Variants in EFCAB8 observed in about 807,000 individuals in gnomAD.
EFCAB8 encodes EF-hand calcium binding domain 8.
EFCAB8 carries 100 observed loss-of-function variants against 116.3 expected under a neutral mutation model. The ratio of observed to expected loss-of-function variants is 0.86; its 90% confidence interval spans 0.73 to 1.02. EFCAB8 has a LOEUF of 1.02. Among genes scored for constraint, EFCAB8 ranks in the 50% least tolerant of loss-of-function variants. EFCAB8 has a pLI of 0.00. For synonymous variants in EFCAB8, 558 were observed against 567.9 expected (o/e 0.98, Z 0.25); for missense variants, 1,320 against 1,416.9 (o/e 0.93, Z 1.10).
chr20:32,916,274 A>G (rs1987180444), intron 17 of EFCAB8, among the ~76,000 whole-genome samples: 1 of 151,746 alleles, frequency 6.6e-6, no homozygotes, highest in Middle Eastern at 3.2e-3. Flanking sequence ...TAGTTTTTTT[A>G]AGAGACAGGA....
rs186321403 is a variant in EFCAB8, at chr20:32,862,723, G to C, written c.-10-1060G>C. Among the ~76,000 whole-genome samples the C allele has an allele frequency of 2.6e-3, 389 of 152,202 alleles. 1 individual carries two copies. Among genetic ancestry groups the C allele is most frequent in the African/African-American group, 9.1e-3 (377 of 41,534 alleles). ...GCTCATGGCAACCTCTGCCTCCCAGGTTCAAGCAATCCTCCTGCCTCAGCC... is the reference window on the plus strand; with the variant it reads ...GCTCATGGCAACCTCTGCCTCCCAGCTTCAAGCAATCCTCCTGCCTCAGCC... On this transcript the variant is annotated intron_variant, in intron 1 of 26. Coordinates refer to ENST00000400522, the MANE Select transcript of EFCAB8 (RefSeq NM_001143967.2).
intron 8 of EFCAB8, 68 bp from the exon 9 acceptor site, chr20:32,893,106 G>A: frequency 1.9e-6 from 3 of 1,539,296 alleles, no homozygotes; most frequent in Non-Finnish European, 2.6e-6. Flanking sequence ...CTCCCAGAGT[G>A]CTGGTCTTAC....
At chr20:32,946,860 C>A (rs898378489) in intron 23 of EFCAB8, among the ~76,000 whole-genome samples, 3 of 152,188 alleles carry the variant, frequency 2.0e-5, no homozygotes, top group Non-Finnish European at 2.9e-5. Context: ...TTGCCTTTTC[C>A]AGATTATCAT....
At chr20:32,872,169 G>T (rs553664860) in intron 3 of EFCAB8, among the ~76,000 whole-genome samples, 1 of 152,296 alleles carries the variant, frequency 6.6e-6, no homozygotes, top group South Asian at 2.1e-4. Context: ...TGTATAAGGA[G>T]AATAGAATGG....
In EFCAB8 at chr20:32,911,501, G is replaced by A. The variant is rs116131708; in HGVS notation, c.1579G>A (p.Gly527Ser). ...ACAGGTGGTGAGTGGCTGCCTGCGC[G>A]GCACAGTGAGTGTGTGGGAGGTCGT... ...FKQVVSGCLRGTVSVWEVVTG... is the reference protein window; with the variant it reads ...FKQVVSGCLRSTVSVWEVVTG... Residue 527 changes from glycine (G) to serine (S), a missense_variant, in exon 16 of 27, where the codon GGC becomes AGC. Coordinates refer to ENST00000400522, the MANE Select transcript of EFCAB8 (RefSeq NM_001143967.2). 2,828 of 1,495,516 alleles carry A rather than the reference G, an allele frequency of 1.9e-3. 31 individuals carry two copies. The African/African-American group carries it at 0.03, about 16-fold the overall frequency. The allele number at this position is 1,495,516 out of a possible 1,614,324, so 92.6% of individuals were successfully genotyped here.
At chr20:32,874,576 C>A (rs906235080) in intron 3 of EFCAB8, among the ~76,000 whole-genome samples, 1 of 151,748 alleles carries the variant, frequency 6.6e-6, no homozygotes, top group African/African-American at 2.4e-5. Context: ...CAGTCTCACT[C>A]GGTCGCTCAG....
At chr20:32,928,714 C>G (rs547621116) in intron 20 of EFCAB8, among the ~76,000 whole-genome samples, 1 of 151,930 alleles carries the variant, frequency 6.6e-6, no homozygotes, top group African/African-American at 2.4e-5. Flanking sequence ...CTTTTTTTGC[C>G]TAATCCCTCT....
rs1359366828 is a variant in EFCAB8 at position 32,959,919 on chromosome 20, C to T, written c.3231C>T (p.Ala1077=). 24 of 1,551,490 alleles carry T rather than the reference C, an allele frequency of 1.5e-5. No individual in the cohort carries two copies. In the Admixed American group the frequency reaches 2.0e-4, roughly 13 times the overall value. ...LQKMALMSPW[A]GERPLEDIED... is the part of the protein sequence containing the mutation. ...AGATGGCCCTGATGTCCCCGTGGGC[C>T]GGAGAGCGCCCCCTGGAAGACATTG... Residue 1077 remains alanine, a synonymous_variant, in exon 25 of 27, where the codon GCC becomes GCT. Transcript: ENST00000400522.
At chr20:32,902,524 A>G (rs1258858972) in intron 11 of EFCAB8, among the ~76,000 whole-genome samples, 1 of 152,188 alleles carries the variant, frequency 6.6e-6, no homozygotes, top group Non-Finnish European at 1.5e-5. Flanking sequence ...AGGCAGGAGG[A>G]TCCCTTGAGG....
At chr20:32,918,175 A>G (rs1363335172) in intron 18 of EFCAB8, among the ~76,000 whole-genome samples, 187 bp from the exon 19 acceptor site, 5 of 152,256 alleles carry the variant, frequency 3.3e-5, no homozygotes, top group Non-Finnish European at 7.3e-5. Flanking sequence ...GTGGGTACTC[A>G]GGGCATTGCA....
chr20:32,924,910 AG>A (rs749565289), intron 20 of EFCAB8, among the ~76,000 whole-genome samples: 1 of 152,148 alleles, frequency 6.6e-6, no homozygotes, highest in African/African-American at 2.4e-5. Flanking sequence ...CTTGAGGAGC[AG>A]GGTCCCTTCT....
intron 12 of EFCAB8, 102 bp from the exon 13 acceptor site, chr20:32,906,741 C>A (rs1986692088): frequency 1.4e-6 from 1 of 734,816 alleles, no homozygotes; most frequent in South Asian, 1.5e-5. Context: ...GTCTGGCTTC[C>A]TCTCCTGCTG....
chr20:32,897,949 G>A (rs911842681), intron 10 of EFCAB8, among the ~76,000 whole-genome samples: 1 of 152,186 alleles, frequency 6.6e-6, no homozygotes, highest in African/African-American at 2.4e-5. Context: ...GCCAAGCACT[G>A]GTCCAGGTCA....
intron 3 of EFCAB8, among the ~76,000 whole-genome samples, chr20:32,869,092 C>T (rs147763627): frequency 1.1e-3 from 173 of 152,250 alleles, no homozygotes; most frequent in Non-Finnish European, 2.1e-3. Context: ...AGTTCCTTGC[C>T]CCTGTGTGAC....
intron 23 of EFCAB8, among the ~76,000 whole-genome samples, chr20:32,944,170 C>T (rs1302296500): frequency 2.0e-5 from 3 of 152,014 alleles, no homozygotes; most frequent in African/African-American, 7.2e-5. Flanking sequence ...ATATAGCCAC[C>T]GTTCATGTCA....
chr20:32,952,738 G>A (rs1988839630), intron 23 of EFCAB8, among the ~76,000 whole-genome samples: 1 of 152,094 alleles, frequency 6.6e-6, no homozygotes, highest in Non-Finnish European at 1.5e-5. Flanking sequence ...TTTTCCTGAT[G>A]GCATCTTTTG....
At chr20:32,932,415 T>A (rs1987943920) in intron 22 of EFCAB8, among the ~76,000 whole-genome samples, 2 of 152,130 alleles carry the variant, frequency 1.3e-5, no homozygotes, top group Admixed American at 1.3e-4. Flanking sequence ...TATATACGAT[T>A]TTCTATGTGT....
chr20:32,957,571 A>G (rs919344470), intron 23 of EFCAB8, among the ~76,000 whole-genome samples: 4 of 152,104 alleles, frequency 2.6e-5, no homozygotes, highest in Non-Finnish European at 4.4e-5. Flanking sequence ...CTGTCTCCCA[A>G]TGATCTCATT....
At chr20:32,920,644 G>A (rs1392216828) in intron 20 of EFCAB8, among the ~76,000 whole-genome samples, 2 of 152,224 alleles carry the variant, frequency 1.3e-5, no homozygotes, top group East Asian at 3.9e-4. Context: ...GAATGGCATG[G>A]GAAGGACCAG....
Sources: gnomAD v4.1 joint callset for allele counts (sites outside exome capture counted in the v4.1 genomes callset) on GRCh38, gnomAD v4.1.1 for gene constraint, MANE v1.5 for transcripts, NCBI Gene and HGNC (gene_info 2026-07-23, HGNC 2026-07-21) for gene names.